OSBPL3: variants seen among roughly 807,000 people sequenced by gnomAD.
OSBPL3 encodes oxysterol-binding protein-related protein 3.
OSBPL3 carries 65 observed loss-of-function variants against 120.1 expected under a neutral mutation model. That is an observed-to-expected ratio of 0.54 (90% confidence interval 0.44 to 0.67). The LOEUF (loss-of-function observed/expected upper bound fraction) is 0.67, where lower values mean the gene tolerates loss of function less well. Ranked by LOEUF, OSBPL3 falls within the 30% of genes least tolerant of loss-of-function variation. The pLI is 0.00. For synonymous variants in OSBPL3, 416 were observed against 402.6 expected (o/e 1.03, Z -0.40); for missense variants, 1,004 against 1,082.1 (o/e 0.93, Z 1.01).
At chr7:24,970,634 T>G (rs1223905153) in intron 1 of OSBPL3, among the ~76,000 whole-genome samples, 2 of 152,234 alleles carry the variant, frequency 1.3e-5, no homozygotes, top group Admixed American at 6.5e-5. Context: ...TAAACATATA[T>G]ATCCCGAACT....
chr7:24,841,876 G>A (rs896631818), intron 13 of OSBPL3, among the ~76,000 whole-genome samples: 1 of 151,108 alleles, frequency 6.6e-6, no homozygotes, highest in East Asian at 2.0e-4. Context: ...AGCCAGACAC[G>A]GTGGCACGTG....
chr7:24,845,742 TAG>T (rs1421380592), intron 12 of OSBPL3, among the ~76,000 whole-genome samples: 3 of 152,282 alleles, frequency 2.0e-5, no homozygotes, highest in African/African-American at 7.2e-5. Flanking sequence ...TTCCCTACTC[TAG>T]CAGTTTGATA....
chr7:24,922,396 T>C lies in OSBPL3; in HGVS notation c.-149-29775A>G, dbSNP rs934910324. ...CTTGATATTCTCAACCAGGGAACAATTCCCTCTCAGGGGAATTGTATGGCT... is the reference window on the plus strand; with the variant it reads ...CTTGATATTCTCAACCAGGGAACAACTCCCTCTCAGGGGAATTGTATGGCT... On this transcript the variant is annotated intron_variant, in intron 1 of 22. Transcript: ENST00000313367. The surrounding 1 kb of genome is among the most constrained non-coding windows in gnomAD (Gnocchi z 4.3). 2.6e-5 allele frequency among the ~76,000 whole-genome samples: 4 copies of C among 152,126 alleles called. No individual in the cohort carries two copies. The highest frequency in any genetic ancestry group is 5.9e-5 in the Non-Finnish European group (4 of 68,012).
In OSBPL3 at chr7:24,799,563, C is replaced by G. The variant is rs985072041; in HGVS notation, c.*620G>C. On this transcript the variant is annotated 3_prime_UTR_variant, in exon 23 of 23. Coordinates refer to ENST00000313367, the MANE Select transcript of OSBPL3 (RefSeq NM_015550.4). This position sits in a 1 kb window ranked among gnomAD's most constrained non-coding sequence, Gnocchi z 5.3. ...AGGGAGGAACAAGTTCAAATGCTTCCTTTTCAAGAAGGTGCCGTATACGTC... is the reference window on the plus strand; with the variant it reads ...AGGGAGGAACAAGTTCAAATGCTTCGTTTTCAAGAAGGTGCCGTATACGTC... 6.6e-6 allele frequency: 1 copy of G among 152,172 alleles called. No individual in the cohort carries two copies. The highest frequency in any genetic ancestry group is 1.5e-5 in the Non-Finnish European group (1 of 68,014). The allele number at this position is 152,172 out of a possible 1,614,324, so 9.4% of individuals were successfully genotyped here.
In OSBPL3 at chr7:24,922,808, C is replaced by G. The variant is rs1810560086; in HGVS notation, c.-149-30187G>C. Among the ~76,000 whole-genome samples the G allele has an allele frequency of 6.6e-6, 1 of 152,114 alleles. No individual in the cohort carries two copies. The highest frequency in any genetic ancestry group is 2.1e-4 in the South Asian group (1 of 4,830). On this transcript the variant is annotated intron_variant, in intron 1 of 22. Coordinates refer to ENST00000313367, the MANE Select transcript of OSBPL3 (RefSeq NM_015550.4). This position sits in a 1 kb window ranked among gnomAD's most constrained non-coding sequence, Gnocchi z 4.3. ...TGTCCAACCCTGTCCCTGCTGCCCT[C>G]ACCCTCTTGGTGAAAGTGACAGACC...
In OSBPL3 at chr7:24,912,655, T is replaced by C. The variant is rs1808988253; in HGVS notation, c.-149-20034A>G. ...GACCCAAGGCAGACGTCAAGGCTTA[T>C]TTATGGCTTAGAGCAAGCTGATGCC... On this transcript the variant is annotated intron_variant, in intron 1 of 22. Coordinates refer to ENST00000313367, the MANE Select transcript of OSBPL3 (RefSeq NM_015550.4). This position sits in a 1 kb window ranked among gnomAD's most constrained non-coding sequence, Gnocchi z 4.5. Among the ~76,000 whole-genome samples, 1 of 152,204 alleles carries C rather than the reference T, an allele frequency of 6.6e-6. No individual in the cohort carries two copies. The highest frequency in any genetic ancestry group is 2.4e-5 in the African/African-American group (1 of 41,448).
chr7:24,941,461 G>C (rs2128482853), intron 1 of OSBPL3, among the ~76,000 whole-genome samples: 1 of 152,262 alleles, frequency 6.6e-6, no homozygotes, highest in African/African-American at 2.4e-5. Context: ...CTCCTACCTA[G>C]CTTTCCAAGG....
intron 1 of OSBPL3, among the ~76,000 whole-genome samples, chr7:24,923,507 G>C (rs2128453266): frequency 6.6e-6 from 1 of 152,334 alleles, no homozygotes; most frequent in African/African-American, 2.4e-5. Flanking sequence ...AGGACTGCCA[G>C]GGCAGCTATT....
At chr7:24,960,220 T>C (rs1815563080) in intron 1 of OSBPL3, among the ~76,000 whole-genome samples, 1 of 152,128 alleles carries the variant, frequency 6.6e-6, no homozygotes, top group Non-Finnish European at 1.5e-5. Context: ...GGTGTCTGAA[T>C]AGAGGGAAAC....
At chr7:24,962,701 T>G (rs2128519549) in intron 1 of OSBPL3, among the ~76,000 whole-genome samples, 1 of 152,314 alleles carries the variant, frequency 6.6e-6, no homozygotes, top group Non-Finnish European at 1.5e-5. Flanking sequence ...GAAAACAGGC[T>G]AAGACATGGC....
intron 13 of OSBPL3, among the ~76,000 whole-genome samples, chr7:24,841,563 C>T (rs984811503): frequency 4.6e-5 from 7 of 151,436 alleles, no homozygotes; most frequent in East Asian, 1.9e-4. Context: ...GGGCATGGGG[C>T]GCACGCCTGT....
chr7:24,891,475 G>A lies in OSBPL3; in HGVS notation c.96+902C>T, dbSNP rs1805347726. Among the ~76,000 whole-genome samples, 1 of 152,174 alleles carries A rather than the reference G, an allele frequency of 6.6e-6. No homozygotes were observed. Among genetic ancestry groups the A allele is most frequent in the Non-Finnish European group, 1.5e-5 (1 of 68,030 alleles). ...TGCTGCTTCCAATTCTGGAACCAAAGACTCTGGGTGATTTCTCAGGCCAGC... is the reference window on the plus strand; with the variant it reads ...TGCTGCTTCCAATTCTGGAACCAAAAACTCTGGGTGATTTCTCAGGCCAGC... On this transcript the variant is annotated intron_variant, in intron 2 of 22. Coordinates refer to ENST00000313367, the MANE Select transcript of OSBPL3 (RefSeq NM_015550.4). This position sits in a 1 kb window ranked among gnomAD's most constrained non-coding sequence, Gnocchi z 4.1.
intron 2 of OSBPL3, among the ~76,000 whole-genome samples, chr7:24,888,070 T>C (rs1190810399): frequency 6.6e-6 from 1 of 152,196 alleles, no homozygotes; most frequent in Non-Finnish European, 1.5e-5. Flanking sequence ...TATATTCACA[T>C]ATACAGTGTA....
chr7:24,937,170 G>C lies in OSBPL3; in HGVS notation c.-150+42716C>G, dbSNP rs1812525286. Among the ~76,000 whole-genome samples, 1 of 152,132 alleles carries C rather than the reference G, an allele frequency of 6.6e-6. No individual in the cohort carries two copies. The highest frequency in any genetic ancestry group is 2.4e-5 in the African/African-American group (1 of 41,420). ...GAAATGCCGAGCAAAAGGGGGAAAAGGCCCTTATATTATAAAACCATCAGA... is the reference window on the plus strand; with the variant it reads ...GAAATGCCGAGCAAAAGGGGGAAAACGCCCTTATATTATAAAACCATCAGA... On this transcript the variant is annotated intron_variant, in intron 1 of 22. Transcript: ENST00000313367. The surrounding 1 kb of genome is among the most constrained non-coding windows in gnomAD (Gnocchi z 4.0).
At chr7:24,840,925 T>G in intron 13 of OSBPL3, 142 bp from the exon 14 acceptor site, 1 of 523,668 alleles carries the variant, frequency 1.9e-6, no homozygotes. Context: ...AAGGTCCATA[T>G]ACCAATCTGC....
chr7:24,866,245 A>G lies in OSBPL3; in HGVS notation c.382-8T>C, dbSNP rs977912743. On this transcript the variant is annotated splice_polypyrimidine_tract_variant and splice_region_variant and intron_variant, in intron 5 of 22. Coordinates refer to ENST00000313367, the MANE Select transcript of OSBPL3 (RefSeq NM_015550.4). Reference sequence around the variant, plus strand: ...GACTTCTTCTGACTTGACCTATAATATATTCGATTGAAAAAAGGAAACAAG... The same window carrying G: ...GACTTCTTCTGACTTGACCTATAATGTATTCGATTGAAAAAAGGAAACAAG... The G allele has an allele frequency of 3.1e-6, 5 of 1,594,588 alleles. No homozygotes were observed. The highest frequency in any genetic ancestry group is 3.4e-6 in the Non-Finnish European group (4 of 1,162,518).
rs924963128 is a variant in OSBPL3 at position 24,804,778 on chromosome 7, T to C, written c.2445-341A>G. Among the ~76,000 whole-genome samples the C allele has an allele frequency of 2.0e-5, 3 of 152,218 alleles. No individual in the cohort carries two copies. The highest frequency in any genetic ancestry group is 7.2e-5 in the African/African-American group (3 of 41,456). ...TCCTTCTAGAGATTCTTCATGTGTA[T>C]ATAAACAAATATTAACACATATTCT... On this transcript the variant is annotated intron_variant, in intron 21 of 22. Coordinates refer to ENST00000313367, the MANE Select transcript of OSBPL3 (RefSeq NM_015550.4). This position sits in a 1 kb window ranked among gnomAD's most constrained non-coding sequence, Gnocchi z 5.4.
chr7:24,801,884 T>G (rs1792406558), intron 22 of OSBPL3, among the ~76,000 whole-genome samples: 2 of 152,256 alleles, frequency 1.3e-5, no homozygotes, highest in African/African-American at 4.8e-5. Context: ...ATTGTATGGA[T>G]GGACCACAAT....
At chr7:24,915,822 A>C (rs1285574455) in intron 1 of OSBPL3, among the ~76,000 whole-genome samples, 1 of 152,002 alleles carries the variant, frequency 6.6e-6, no homozygotes, top group East Asian at 1.9e-4. Flanking sequence ...TGGTCCACCC[A>C]CCTCGGCATC....
Sources: gnomAD v4.1 joint callset for allele counts (sites outside exome capture counted in the v4.1 genomes callset) on GRCh38, gnomAD v4.1.1 for gene constraint, Gnocchi (gnomAD v3.1) non-coding constraint, MANE v1.5 for transcripts, NCBI Gene and HGNC (gene_info 2026-07-23, HGNC 2026-07-21) for gene names.